Variants in RFESD observed in about 807,000 individuals in gnomAD.
The protein encoded by RFESD is Rieske Fe-S domain containing, also known as Rieske domain-containing protein.
Under a neutral mutation model 24.4 loss-of-function variants are expected in RFESD, and 16 were observed. The observed-to-expected ratio is 0.66, with a 90% CI of 0.44 to 1.00. The LOEUF (loss-of-function observed/expected upper bound fraction) is 1.00. Among genes scored for constraint, RFESD ranks in the 50% least tolerant of loss-of-function variants. The pLI is 0.00. For missense variants in RFESD, 208 were observed against 247.0 expected, an observed-to-expected ratio of 0.84 and a Z score of 1.06; for synonymous variants, 59 against 81.8, an observed-to-expected ratio of 0.72 and a Z score of 1.50.
chr5:95,648,892 CTTTTTTTTTTT>C (rs35016122), intron 1 of RFESD, among the ~76,000 whole-genome samples: 2,477 of 72,542 alleles, frequency 0.034, 113 homozygotes, highest in African/African-American at 0.11. Context: ...GATAGTAGTG[CTTTTTTTTTTT>C]TTTTTTTTTT....
intron 1 of RFESD, chr5:95,647,847 C>CTAT (rs1221769758): frequency 1.3e-5 from 2 of 151,942 alleles, no homozygotes; most frequent in African/African-American, 4.8e-5. Flanking sequence ...GACTAATGAA[C>CTAT]TATTATATTC....
At chr5:95,651,254 A>G (rs213885) in intron 1 of RFESD, among the ~76,000 whole-genome samples, 48,510 of 152,068 alleles carry the variant, frequency 0.32, 7,816 homozygotes, top group Middle Eastern at 0.41. Context: ...CAGTATTACT[A>G]TATTTGAAGA....
Position 95,656,546 on chromosome 5 carries a change from G to A in RFESD, c.*237G>A, listed in dbSNP as rs1168126726. The A allele has an allele frequency of 9.8e-5, 36 of 367,132 alleles. No homozygotes were observed. The East Asian group carries it at 1.5e-3, about 15-fold the overall frequency. The allele number at this position is 367,132 out of a possible 1,614,324, so 22.7% of individuals were successfully genotyped here. On this transcript the variant is annotated 3_prime_UTR_variant, in exon 6 of 6. Transcript: ENST00000380005. Reference sequence around the variant, plus strand: ...TTAATTAGAAACCTGAAGGTTATAGGTTTGGGATGTTCTGTTTAAGAAGGA... The same window carrying A: ...TTAATTAGAAACCTGAAGGTTATAGATTTGGGATGTTCTGTTTAAGAAGGA...
At chr5:95,654,431 A>T in intron 5 of RFESD, 64 bp downstream of exon 5, 1 of 1,088,052 alleles carries the variant, frequency 9.2e-7, no homozygotes, top group Non-Finnish European at 1.4e-6. Context: ...AATAATTTAT[A>T]ATTGGTTTGA....
chr5:95,656,011 T>G (rs377255968), intron 5 of RFESD, 35 bp from the exon 6 acceptor site: 1 of 1,596,434 alleles, frequency 6.3e-7, no homozygotes. Flanking sequence ...ACATTTGACA[T>G]GTCAGAATAT....
In RFESD at chr5:95,654,319, C is replaced by T. The variant is rs577168629; in HGVS notation, c.335-14C>T. 3.1e-6 allele frequency: 5 copies of T among 1,609,118 alleles called. No individual in the cohort carries two copies. The South Asian group carries it at 3.3e-5, about 11-fold the overall frequency. ...TTTTTTAGTGACTGCAGGTAATATT[C>T]AATTCCTTTTCAGACTCAGGAGGAC... On this transcript the variant is annotated splice_polypyrimidine_tract_variant and intron_variant, in intron 4 of 5. Coordinates refer to ENST00000380005, the MANE Select transcript of RFESD (RefSeq NM_001131066.2).
At position 95,656,547 on chromosome 5, in the gene RFESD, T is replaced by G; in HGVS notation, c.*238T>G. On this transcript the variant is annotated 3_prime_UTR_variant, in exon 6 of 6. Coordinates refer to ENST00000380005, the MANE Select transcript of RFESD (RefSeq NM_001131066.2). ...TAATTAGAAACCTGAAGGTTATAGGTTTGGGATGTTCTGTTTAAGAAGGAT... is the reference window on the plus strand; with the variant it reads ...TAATTAGAAACCTGAAGGTTATAGGGTTGGGATGTTCTGTTTAAGAAGGAT... 2.7e-6 allele frequency: 1 copy of G among 364,644 alleles called. No homozygotes were observed. Among genetic ancestry groups the G allele is most frequent in the Non-Finnish European group, 4.9e-6 (1 of 204,316 alleles). 22.6% of individuals were successfully genotyped at this position (364,644 alleles called of 1,614,324 possible).
chr5:95,650,869 C>T (rs764016901), intron 1 of RFESD, among the ~76,000 whole-genome samples: 52 of 152,044 alleles, frequency 3.4e-4, no homozygotes, highest in Non-Finnish European at 6.5e-4. Context: ...GAGGCCGAGG[C>T]GGGCGGATCA....
At chr5:95,655,267 G>C (rs919817318) in intron 5 of RFESD, 1 of 152,198 alleles carries the variant, frequency 6.6e-6, no homozygotes, top group African/African-American at 2.4e-5. Flanking sequence ...ACAGTTTTAT[G>C]AAAGTACAAA....
chr5:95,656,275 C>T lies in RFESD; in HGVS notation c.599C>T (p.Thr200Ile). 1 of 1,612,408 alleles carries T rather than the reference C, an allele frequency of 6.2e-7. No individual in the cohort carries two copies. Among genetic ancestry groups the T allele is most frequent in the Non-Finnish European group, 8.5e-7 (1 of 1,178,656 alleles). ...AAGTGTGACTCTGATTTTTATGCCA[C>T]TGGAGACTTCAAAGTAATTAAGAGT... ...PFKCDSDFYA[T>I]GDFKVIKSSS Residue 200 changes from threonine to isoleucine, a missense_variant, in exon 6 of 6, where the codon ACT becomes ATT. Thr to Ile is a moderately conservative substitution (Grantham distance 89). Coordinates refer to ENST00000380005, the MANE Select transcript of RFESD (RefSeq NM_001131066.2).
chr5:95,654,979 G>A (rs774095106), intron 5 of RFESD, among the ~76,000 whole-genome samples: 3 of 152,046 alleles, frequency 2.0e-5, no homozygotes, highest in African/African-American at 4.8e-5. Context: ...GAGGAGGAAC[G>A]GGGGAAGTTG....
rs1750797879 is a variant in RFESD at position 95,656,952 on chromosome 5, G to T, written c.*643G>T. 6.6e-6 allele frequency: 1 copy of T among 152,004 alleles called. No individual in the cohort carries two copies. The highest frequency in any genetic ancestry group is 2.4e-5 in the African/African-American group (1 of 41,370). 9.4% of individuals were successfully genotyped at this position (152,004 alleles called of 1,614,324 possible). A position where few individuals can be genotyped will look rare whatever the true frequency, so the allele number is the denominator to read the frequency against. On this transcript the variant is annotated 3_prime_UTR_variant, in exon 6 of 6. Coordinates refer to ENST00000380005, the MANE Select transcript of RFESD (RefSeq NM_001131066.2). ...AAAAATGCCTCCAAAAATGAGATAG[G>T]TTTACCTGCTGAACTTGAAAATAAG...
chr5:95,656,310 T>TA lies in RFESD; in HGVS notation c.*7dup, dbSNP rs766898555. On this transcript the variant is annotated 3_prime_UTR_variant, in exon 6 of 6. Transcript: ENST00000380005. ...CAAAGTAATTAAGAGTTCTTCCTGA[T>TA]AAAAAATATATAGAAATGAAAAATG... is the stretch of plus-strand genomic sequence containing the variant. 5.6e-6 allele frequency: 9 copies of TA among 1,595,020 alleles called. No homozygotes were observed. The highest frequency in any genetic ancestry group is 2.2e-5 in the East Asian group (1 of 44,776).
rs1331114845 is a variant in RFESD at position 95,652,172 on chromosome 5, A to C, written c.-100A>C. On this transcript the variant is annotated 5_prime_UTR_variant, in exon 2 of 6. Coordinates refer to ENST00000380005, the MANE Select transcript of RFESD (RefSeq NM_001131066.2). ...ATTTGCAATTCAAGGAGAATATAAGACAGAGAAGAAAGCTGTGAATGAATT... is the reference window on the plus strand; with the variant it reads ...ATTTGCAATTCAAGGAGAATATAAGCCAGAGAAGAAAGCTGTGAATGAATT... The C allele has an allele frequency of 2.8e-6, 4 of 1,423,840 alleles. No individual in the cohort carries two copies. The highest frequency in any genetic ancestry group is 3.7e-6 in the Non-Finnish European group (4 of 1,069,034). 88.2% of individuals were successfully genotyped at this position (1,423,840 alleles called of 1,614,324 possible).
chr5:95,653,539 T>G (rs550503491), intron 3 of RFESD, among the ~76,000 whole-genome samples: 3 of 152,328 alleles, frequency 2.0e-5, no homozygotes, highest in South Asian at 4.1e-4. Flanking sequence ...GATTGAGGAA[T>G]CCTCCCTAAT....
At chr5:95,652,564 G>C (rs550075754) in intron 2 of RFESD, 15 of 440,574 alleles carry the variant, frequency 3.4e-5, no homozygotes, top group African/African-American at 2.8e-4. Flanking sequence ...AGTTCACCTA[G>C]CTGCACAAAC....
At chr5:95,652,530 T>C (rs530151089) in intron 2 of RFESD, 199 bp downstream of exon 2, 3 of 628,640 alleles carry the variant, frequency 4.8e-6, no homozygotes, top group Admixed American at 7.2e-5. Context: ...TCTTGGCCTT[T>C]CTCCTCACAG....
chr5:95,653,177 A>G lies in RFESD; in HGVS notation c.121A>G (p.Ser41Gly). 6.4e-7 allele frequency: 1 copy of G among 1,551,730 alleles called. No homozygotes were observed. The highest frequency in any genetic ancestry group is 8.7e-7 in the Non-Finnish European group (1 of 1,147,006). Residue 41 changes from serine to glycine, a missense_variant, in exon 3 of 6, where the codon AGC (serine) becomes GGC (glycine). Coordinates refer to ENST00000380005, the MANE Select transcript of RFESD (RefSeq NM_001131066.2). ...CLVHLHFGHF[S>G]SAVISVTSFY... ...AGTTCATTTGCATTTTGGGCATTTC[A>G]GCTCAGCTGTCATCTCAGTGACCAG...
chr5:95,654,816 CTCT>C lies in RFESD; in HGVS notation c.369+451_369+453del, dbSNP rs561646195. On this transcript the variant is annotated intron_variant, in intron 5 of 5. Transcript: ENST00000380005. ...TAGGATGATAATAGTCTTATGAGAT[CTCT>C]TTTTTCATCAAAAAGAATATTCACT... Among the ~76,000 whole-genome samples, 561 of 152,204 alleles carry C rather than the reference CTCT, an allele frequency of 3.7e-3. 3 individuals carry two copies. Among genetic ancestry groups the C allele is most frequent in the African/African-American group, 0.013 (534 of 41,532 alleles).
Sources: allele counts gnomAD v4.1 joint callset (sites outside exome capture counted in the v4.1 genomes callset), GRCh38; gene constraint gnomAD v4.1.1; transcripts MANE v1.5; gene names NCBI Gene and HGNC (gene_info 2026-07-23, HGNC 2026-07-21).